The following SLC12A7 variants were observed in gnomAD, a reference collection of about 807,000 sequenced individuals.
SLC12A7 encodes the protein K-Cl cotransporter 4.
A neutral mutation model predicts 120.6 loss-of-function variants in SLC12A7; 100 were observed. The ratio of observed to expected loss-of-function variants is 0.83; its 90% confidence interval spans 0.71 to 0.98. The LOEUF is 0.98. Among genes scored for constraint, SLC12A7 ranks in the 50% least tolerant of loss-of-function variants. SLC12A7 has a pLI of 0.00. For synonymous variants in SLC12A7, 760 were observed against 678.0 expected, an observed-to-expected ratio of 1.12 and a Z score of -1.88; for missense variants, 1,373 against 1,548.1, an observed-to-expected ratio of 0.89 and a Z score of 1.90.
In SLC12A7 at chr5:1,057,150, C is replaced by T. The variant is rs140304822; in HGVS notation, c.3026+321G>A. ...CCTAGGTCCTACAAGGACCCCTCAG[C>T]GCTTGGCACTAGAAGGACCCCTCAG... On this transcript the variant is annotated intron_variant, in intron 22 of 23. Coordinates refer to ENST00000264930, the MANE Select transcript of SLC12A7 (RefSeq NM_006598.3). 2,225 of 292,574 alleles carry T rather than the reference C, an allele frequency of 7.6e-3. 17 individuals are homozygous for T. The highest frequency in any genetic ancestry group is 0.035 in the South Asian group (325 of 9,346). The allele number at this position is 292,574 out of a possible 1,614,324, so 18.1% of individuals were successfully genotyped here.
chr5:1,116,375 T>G (rs1743321684), upstream of SLC12A7, among the ~76,000 whole-genome samples: 1 of 152,110 alleles, frequency 6.6e-6, no homozygotes, highest in African/African-American at 2.4e-5. Context: ...GCCAGGTACG[T>G]GGGGTTCTGA....
chr5:1,093,669 A>G lies in SLC12A7; in HGVS notation c.220-14T>C. 1 of 1,612,346 alleles carries G rather than the reference A, an allele frequency of 6.2e-7. No homozygotes were observed. The highest frequency in any genetic ancestry group is 8.5e-7 in the Non-Finnish European group (1 of 1,179,498). ...GTCCATCTCCTCCTGCGCGGCGTGGACATGGTCACAGGCGGCCCGCACCTC... is the reference window on the plus strand; with the variant it reads ...GTCCATCTCCTCCTGCGCGGCGTGGGCATGGTCACAGGCGGCCCGCACCTC... On this transcript the variant is annotated splice_polypyrimidine_tract_variant and intron_variant, in intron 2 of 23. Coordinates refer to ENST00000264930, the MANE Select transcript of SLC12A7 (RefSeq NM_006598.3).
chr5:1,126,369 G>A, the SLC12A7 span, among the ~76,000 whole-genome samples: 7 of 152,210 alleles, frequency 4.6e-5, no homozygotes, highest in East Asian at 1.9e-4. Context: ...GATTACAGGC[G>A]TGAGCCACTG....
At chr5:1,112,341 GC>G (rs1431934878), upstream of SLC12A7, among the ~76,000 whole-genome samples, 1 of 26,956 alleles carries the variant, frequency 3.7e-5, no homozygotes, top group Admixed American at 3.3e-4. Context: ...CGCCCTCCCC[GC>G]CCTCCCCGGC....
At chr5:1,093,917 G>A (rs1740821410) in intron 2 of SLC12A7, among the ~76,000 whole-genome samples, 1 of 152,144 alleles carries the variant, frequency 6.6e-6, no homozygotes, top group South Asian at 2.1e-4. Context: ...GTTCCCGTGG[G>A]GCCGGAGCAC....
At chr5:1,110,458 G>A (rs1447592432) in intron 1 of SLC12A7, among the ~76,000 whole-genome samples, 1 of 152,266 alleles carries the variant, frequency 6.6e-6, no homozygotes, top group Admixed American at 6.5e-5. Context: ...CTTGAGAGTA[G>A]AAGAGACAAG....
At chr5:1,055,814 G>T (rs1026827295) in intron 22 of SLC12A7, among the ~76,000 whole-genome samples, 17 of 152,226 alleles carry the variant, frequency 1.1e-4, no homozygotes, top group African/African-American at 3.9e-4. Context: ...TTTACAGAAC[G>T]GAGCAGGAAG....
the SLC12A7 span, among the ~76,000 whole-genome samples, chr5:1,154,648 C>T: frequency 6.6e-6 from 1 of 152,204 alleles, no homozygotes; most frequent in Non-Finnish European, 1.5e-5. Flanking sequence ...TCTGGGCCAT[C>T]GCGTGTAAAG....
At chr5:1,103,803 C>T (rs971706815) in intron 1 of SLC12A7, among the ~76,000 whole-genome samples, 21 of 152,264 alleles carry the variant, frequency 1.4e-4, no homozygotes, top group Non-Finnish European at 2.9e-4. Flanking sequence ...CACGCCTGCT[C>T]GCGGGAAGGT....
chr5:1,085,318 C>A lies in SLC12A7; in HGVS notation c.831G>T (p.Ala277=), dbSNP rs112522540. ...GCACGACGCAGGCCAGGAAGACCAG[C>A]GCCAGCTTGTTGACATACTTGACGC... is the stretch of plus-strand genomic sequence containing the variant. The part of the protein sequence containing the change: ...FVGVKYVNKL[A]LVFLACVVLS... The change falls in exon 7 of 24, where the codon GCG becomes GCT. Residue 277 remains alanine, a synonymous_variant. Coordinates refer to ENST00000264930, the MANE Select transcript of SLC12A7 (RefSeq NM_006598.3). 5.0e-6 allele frequency: 8 copies of A among 1,612,508 alleles called. No individual in the cohort carries two copies. In the East Asian group the frequency reaches 1.8e-4, roughly 36 times the overall value.
the SLC12A7 span, among the ~76,000 whole-genome samples, chr5:1,154,133 C>A: frequency 6.6e-6 from 1 of 151,318 alleles, no homozygotes; most frequent in South Asian, 2.1e-4. Flanking sequence ...CCCTAACCCA[C>A]AGGAACAAGT....
chr5:1,066,548 C>G (rs1737075280), intron 17 of SLC12A7, among the ~76,000 whole-genome samples: 1 of 152,158 alleles, frequency 6.6e-6, no homozygotes, highest in African/African-American at 2.4e-5. Context: ...AGAGGATACC[C>G]GCATCCCAGC....
At chr5:1,061,400 G>GAGTCTCACCCA (rs1736243890) in intron 20 of SLC12A7, among the ~76,000 whole-genome samples, 1 of 53,048 alleles carries the variant, frequency 1.9e-5, no homozygotes, top group African/African-American at 7.3e-5. Context: ...CGCCGTACCT[G>GAGTCTCACCCA]CCGCATCCGC....
In SLC12A7 at chr5:1,057,587, C is replaced by T. The variant is rs779027001; in HGVS notation, c.2910G>A (p.Ala970=). ...TCTGCACCTTGTCTGGCGTAGGCGG[C>T]GCTTGGGTCCTGGCTGCCGCCGCGG... ...SHTAAAARTQ[A]PPTPDKVQMT... Residue 970 remains alanine, a synonymous_variant, in exon 22 of 24, where the codon GCG becomes GCA. Coordinates refer to ENST00000264930, the MANE Select transcript of SLC12A7 (RefSeq NM_006598.3). 2.0e-5 allele frequency: 33 copies of T among 1,610,886 alleles called. No individual in the cohort carries two copies. The highest frequency in any genetic ancestry group is 1.8e-4 in the Admixed American group (11 of 59,990).
At chr5:1,100,534 G>A (rs1741910426) in intron 1 of SLC12A7, among the ~76,000 whole-genome samples, 1 of 152,262 alleles carries the variant, frequency 6.6e-6, no homozygotes, top group Non-Finnish European at 1.5e-5. Context: ...CGAGGCTCCA[G>A]AAGCCTGGCT....
rs1219844132 is a variant in SLC12A7, at chr5:1,086,949, G to A, written c.629C>T (p.Thr210Met). The change falls in exon 6 of 24, where the codon ACG (threonine) becomes ATG (methionine). Residue 210 changes from threonine (T) to methionine (M), a missense_variant. Coordinates refer to ENST00000264930, the MANE Select transcript of SLC12A7 (RefSeq NM_006598.3). ...AVGLCFYLGT[T>M]FAGAMYILGT... ...CAAAATATACATGGCCCCTGCAAAC[G>A]TCGTGCCCAGGTAGAAGCAGAGGCC... 5 of 1,612,774 alleles carry A rather than the reference G, an allele frequency of 3.1e-6. No individual in the cohort carries two copies. Among genetic ancestry groups the A allele is most frequent in the Admixed American group, 1.7e-5 (1 of 59,998 alleles).
rs144940726 is a variant in SLC12A7 at position 1,056,154 on chromosome 5, C to A, written c.3026+1317G>T. ...CCACACAGAGAACTGATCTGCACCCCTCTCCGCCTGGAGGCTGGACAGCTT... is the reference window on the plus strand; with the variant it reads ...CCACACAGAGAACTGATCTGCACCCATCTCCGCCTGGAGGCTGGACAGCTT... On this transcript the variant is annotated intron_variant, in intron 22 of 23. Coordinates refer to ENST00000264930, the MANE Select transcript of SLC12A7 (RefSeq NM_006598.3). Among the ~76,000 whole-genome samples, 372 of 152,350 alleles carry A rather than the reference C, an allele frequency of 2.4e-3. 5 individuals carry two copies. The highest frequency in any genetic ancestry group is 8.4e-3 in the African/African-American group (349 of 41,594).
At chr5:1,089,601 C>T (rs1740271619) in intron 3 of SLC12A7, among the ~76,000 whole-genome samples, 1 of 150,962 alleles carries the variant, frequency 6.6e-6, no homozygotes, top group Non-Finnish European at 1.5e-5. Flanking sequence ...ATCCACAGCT[C>T]AGCGTCGGCC....
At chr5:1,076,528 T>G (rs746191276) in intron 13 of SLC12A7, among the ~76,000 whole-genome samples, 166 bp downstream of exon 13, 2 of 152,064 alleles carry the variant, frequency 1.3e-5, no homozygotes, top group Non-Finnish European at 1.5e-5. Flanking sequence ...CCTGGAGGCC[T>G]GTGTACTTGT....
Sources: allele counts gnomAD v4.1 joint callset (sites outside exome capture counted in the v4.1 genomes callset), GRCh38; gene constraint gnomAD v4.1.1; transcripts MANE v1.5; gene names NCBI Gene and HGNC (gene_info 2026-07-23, HGNC 2026-07-21).